The following POC1A variants were observed in gnomAD, a reference collection of about 807,000 sequenced individuals.
POC1A encodes POC1 centriolar protein A.
Under a neutral mutation model 47.8 loss-of-function variants are expected in POC1A, and 34 were observed. The ratio of observed to expected loss-of-function variants is 0.71; its 90% confidence interval spans 0.54 to 0.95. The LOEUF is 0.95. Ranked by LOEUF, POC1A falls within the 40% of genes least tolerant of loss-of-function variation. POC1A has a pLI of 0.00. For synonymous variants in POC1A, 177 were observed against 207.6 expected (o/e 0.85, Z 1.27); for missense variants, 466 against 528.3 (o/e 0.88, Z 1.16).
chr3:52,082,156 G>A (rs1478777840), intron 10 of POC1A, among the ~76,000 whole-genome samples: 1 of 152,096 alleles, frequency 6.6e-6, no homozygotes, highest in African/African-American at 2.4e-5. Context: ...ATCCTATTGA[G>A]GGCAGCCAGT....
intron 9 of POC1A, among the ~76,000 whole-genome samples, chr3:52,116,203 G>A (rs2107064081): frequency 6.6e-6 from 1 of 152,192 alleles, no homozygotes; most frequent in East Asian, 1.9e-4. Context: ...AGAATCTCTG[G>A]GCCAGGAATC....
At chr3:52,148,413 C>T (rs1643318780) in intron 4 of POC1A, among the ~76,000 whole-genome samples, 1 of 152,248 alleles carries the variant, frequency 6.6e-6, no homozygotes, top group African/African-American at 2.4e-5. Context: ...CAACTTCTGA[C>T]TCATGTGGTT....
At chr3:52,102,670 C>T (rs998727932) in intron 9 of POC1A, among the ~76,000 whole-genome samples, 12 of 152,204 alleles carry the variant, frequency 7.9e-5, no homozygotes, top group African/African-American at 2.9e-4. Context: ...CCATTCAACA[C>T]ACTACAAAAT....
chr3:52,149,899 G>A lies in POC1A; in HGVS notation c.192C>T (p.Val64=), dbSNP rs1233422397. 1.2e-6 allele frequency: 2 copies of A among 1,613,874 alleles called. No homozygotes were observed. The highest frequency in any genetic ancestry group is 3.3e-5 in the Admixed American group (2 of 60,016). The change falls in exon 3 of 11, where the codon GTC becomes GTT. Residue 64 remains valine, a synonymous_variant. Transcript: ENST00000296484. ...AYRFTGHKDA[V]TCVNFSPSGH... The stretch of plus-strand genomic sequence containing the variant: ...CCGAAGGAGAGAAGTTCACACAGGT[G>A]ACGGCATCCTTGTGGCCAGTGAAGC...
At chr3:52,148,371 G>C (rs1015611133) in intron 4 of POC1A, among the ~76,000 whole-genome samples, 4 of 152,204 alleles carry the variant, frequency 2.6e-5, no homozygotes, top group African/African-American at 7.2e-5. Context: ...AACTTGTATG[G>C]GGTCCCCAGA....
chr3:52,118,405 C>T (rs917370607), intron 9 of POC1A, among the ~76,000 whole-genome samples: 2 of 152,166 alleles, frequency 1.3e-5, no homozygotes, highest in Non-Finnish European at 2.9e-5. Flanking sequence ...ATGAAATGTG[C>T]CTAAAAATAA....
At chr3:52,140,075 G>A (rs561027071) in intron 6 of POC1A, among the ~76,000 whole-genome samples, 1 of 152,326 alleles carries the variant, frequency 6.6e-6, no homozygotes, top group Non-Finnish European at 1.5e-5. Context: ...CTGAAAGGCT[G>A]TAAGAACCAC....
At chr3:52,081,711 A>G (rs1334301571) in intron 10 of POC1A, among the ~76,000 whole-genome samples, 2 of 151,992 alleles carry the variant, frequency 1.3e-5, no homozygotes, top group African/African-American at 4.8e-5. Flanking sequence ...TCAGAGCAGG[A>G]GGGTGCTGGG....
At chr3:52,080,592 C>A (rs558371393) in intron 10 of POC1A, among the ~76,000 whole-genome samples, 1 of 152,234 alleles carries the variant, frequency 6.6e-6, no homozygotes, top group Non-Finnish European at 1.5e-5. Flanking sequence ...TTACAAAGGT[C>A]ATAAGGATAA....
At chr3:52,096,742 T>C (rs368864771) in intron 9 of POC1A, 30 bp from the exon 10 acceptor site, 1 of 1,546,892 alleles carries the variant, frequency 6.5e-7, no homozygotes, top group Non-Finnish European at 8.7e-7. Context: ...AGTTCCTCAG[T>C]CTATCCAGTG....
At chr3:52,096,918 G>C (rs1702836562) in intron 9 of POC1A, among the ~76,000 whole-genome samples, 1 of 152,242 alleles carries the variant, frequency 6.6e-6, no homozygotes, top group Non-Finnish European at 1.5e-5. Flanking sequence ...CCTTAAGTGG[G>C]GAGTGGAATC....
Position 52,125,176 on chromosome 3 carries a change from T to G in POC1A, c.819A>C (p.Pro273=), listed in dbSNP as rs765105597. The change falls in exon 8 of 11, where the codon CCA becomes CCC. Residue 273 remains proline (P), a synonymous_variant. Coordinates refer to ENST00000296484, the MANE Select transcript of POC1A (RefSeq NM_015426.5). ...TTCTTGAAAAGGCAACAGTGGTGGC[T>G]GGTCCCTGGCAGAACAAACAAAAAA... ...LLYTLHGHQG[P]ATTVAFSRTG... is the part of the protein sequence containing the mutation. 2.5e-6 allele frequency: 4 copies of G among 1,613,808 alleles called. No individual in the cohort carries two copies. The highest frequency in any genetic ancestry group is 2.5e-6 in the Non-Finnish European group (3 of 1,179,698).
At chr3:52,100,863 T>A (rs544580308) in intron 9 of POC1A, among the ~76,000 whole-genome samples, 67 of 151,994 alleles carry the variant, frequency 4.4e-4, no homozygotes, top group African/African-American at 1.6e-3. Flanking sequence ...CCAGGACCTC[T>A]CCCCTGTAGA....
chr3:52,131,006 C>G (rs1434406404), intron 7 of POC1A, among the ~76,000 whole-genome samples: 1 of 151,558 alleles, frequency 6.6e-6, no homozygotes, highest in Non-Finnish European at 1.5e-5. Context: ...AGGGGCTGCT[C>G]ACCCACACGG....
At chr3:52,086,086 T>C (rs1404375875) in intron 10 of POC1A, among the ~76,000 whole-genome samples, 1 of 152,138 alleles carries the variant, frequency 6.6e-6, no homozygotes, top group African/African-American at 2.4e-5. Context: ...CTTCCCGGGT[T>C]GTGGTTGATG....
intron 1 of POC1A, among the ~76,000 whole-genome samples, chr3:52,151,891 G>GAAA (rs565939669): frequency 7.6e-6 from 1 of 131,868 alleles, no homozygotes. Flanking sequence ...AAGACACCCA[G>GAAA]AAAAAAAAAA....
chr3:52,121,030 G>C (rs1173593924), intron 9 of POC1A, among the ~76,000 whole-genome samples: 1 of 152,236 alleles, frequency 6.6e-6, no homozygotes, highest in Non-Finnish European at 1.5e-5. Context: ...GCTTTGCTCA[G>C]AGGCATCAGC....
At chr3:52,121,620 G>A (rs1703783705) in intron 9 of POC1A, among the ~76,000 whole-genome samples, 3 of 152,126 alleles carry the variant, frequency 2.0e-5, no homozygotes, top group African/African-American at 4.8e-5. Flanking sequence ...GGCCTTGGGC[G>A]AGCCGCTTCC....
At chr3:52,094,918 A>G (rs1207240541) in intron 10 of POC1A, among the ~76,000 whole-genome samples, 3 of 152,194 alleles carry the variant, frequency 2.0e-5, no homozygotes, top group African/African-American at 7.2e-5. Flanking sequence ...TCTGCGATGC[A>G]AGTTTTTTAA....
Sources: gnomAD v4.1 joint callset for allele counts (sites outside exome capture counted in the v4.1 genomes callset) on GRCh38, gnomAD v4.1.1 for gene constraint, MANE v1.5 for transcripts, NCBI Gene and HGNC (gene_info 2026-07-23, HGNC 2026-07-21) for gene names.